BAZ1A: variants seen among roughly 807,000 people sequenced by gnomAD.
BAZ1A encodes bromodomain adjacent to zinc finger domain 1A.
In BAZ1A, 50 loss-of-function variants were observed where a neutral mutation model predicts 185.2. The observed-to-expected ratio is 0.27, with a 90% confidence interval of 0.22 to 0.34. The LOEUF (loss-of-function observed/expected upper bound fraction) is 0.34, where lower values mean the gene tolerates loss of function less well. BAZ1A is among the 10% of genes least tolerant of loss of function. The pLI is 1.00. For synonymous variants in BAZ1A, 571 were observed against 615.6 expected, an observed-to-expected ratio of 0.93 and a Z score of 1.07; for missense variants, 1,356 against 1,839.9, an observed-to-expected ratio of 0.74 and a Z score of 4.81.
intron 21 of BAZ1A, among the ~76,000 whole-genome samples, chr14:34,770,599 C>CA (rs1226521484): frequency 3.3e-5 from 5 of 151,644 alleles, no homozygotes; most frequent in Non-Finnish European, 5.9e-5. Context: ...TTAAACATCT[C>CA]AAAAAAACAA....
intron 4 of BAZ1A, among the ~76,000 whole-genome samples, chr14:34,815,067 G>A (rs973834679): frequency 2.6e-5 from 4 of 152,118 alleles, no homozygotes; most frequent in Non-Finnish European, 5.9e-5. Context: ...GAGCCACTGC[G>A]CCTGGCCACA....
chr14:34,780,626 G>C (rs1374067664), intron 16 of BAZ1A, among the ~76,000 whole-genome samples: 1 of 152,146 alleles, frequency 6.6e-6, no homozygotes, highest in African/African-American at 2.4e-5. Context: ...GGGGAGGAGT[G>C]TGTGCTACAG....
intron 2 of BAZ1A, among the ~76,000 whole-genome samples, chr14:34,869,694 A>G (rs192269133): frequency 6.6e-6 from 1 of 152,334 alleles, no homozygotes; most frequent in East Asian, 1.9e-4. Flanking sequence ...TGCTTGTGGT[A>G]GACTGTTTGC....
At chr14:34,825,447 C>CAAAAAAAAAAAAAAAAAAAA (rs35449855) in intron 4 of BAZ1A, among the ~76,000 whole-genome samples, 1 of 55,406 alleles carries the variant, frequency 1.8e-5, no homozygotes, top group Non-Finnish European at 3.4e-5. Context: ...AACTCTGTCT[C>CAAAAAAAAAAAAAAAAAAAA]AAAAAAAAAA....
chr14:34,853,684 G>A (rs1189553948), intron 3 of BAZ1A, among the ~76,000 whole-genome samples: 1 of 152,206 alleles, frequency 6.6e-6, no homozygotes, highest in Non-Finnish European at 1.5e-5. Flanking sequence ...CTACTCGGGA[G>A]GCTATGGCAG....
rs751638983 is a variant in BAZ1A, at chr14:34,800,189, T to G, written c.1128+35A>C. On this transcript the variant is annotated intron_variant, in intron 9 of 26. Coordinates refer to ENST00000360310, the MANE Select transcript of BAZ1A (RefSeq NM_013448.3). ...AGATATGTAAAGTAGTATTACTATA[T>G]GTAGAGAGTATAGCTAATATACTCA... is the stretch of plus-strand genomic sequence containing the variant. 20 of 1,318,836 alleles carry G rather than the reference T, an allele frequency of 1.5e-5. No homozygotes were observed. In the East Asian group the frequency reaches 4.9e-4, roughly 32 times the overall value. The allele number at this position is 1,318,836 out of a possible 1,614,324, so 81.7% of individuals were successfully genotyped here. A position where few individuals can be genotyped will look rare whatever the true frequency, so the allele number is the denominator to read the frequency against.
At chr14:34,768,761 CTTAT>C (rs1879018571) in intron 21 of BAZ1A, 1 of 420,668 alleles carries the variant, frequency 2.4e-6, no homozygotes, top group African/African-American at 2.1e-5. Flanking sequence ...CCTTTTGATC[CTTAT>C]TAATTTCTGT....
intron 12 of BAZ1A, among the ~76,000 whole-genome samples, chr14:34,791,896 G>T (rs184698985): frequency 6.6e-6 from 1 of 152,084 alleles, no homozygotes; most frequent in Non-Finnish European, 1.5e-5. Flanking sequence ...ATATGAAAAG[G>T]TTTGCCTCAA....
rs767712216 is a variant in BAZ1A at position 34,862,239 on chromosome 14, T to C, written c.197A>G (p.Glu66Gly). 1.2e-6 allele frequency: 2 copies of C among 1,614,160 alleles called. No individual in the cohort carries two copies. The highest frequency in any genetic ancestry group is 1.7e-6 in the Non-Finnish European group (2 of 1,180,038). Residue 66 changes from glutamate to glycine, a missense_variant, in exon 3 of 27, where the codon GAA (glutamate) becomes GGA (glycine). Transcript: ENST00000360310. Reference sequence around the variant, plus strand: ...TGCTTTTTTTTCTGACTCAAGTGCTTCCTGATACGTCAGTCCAGGTCTACC... The same window carrying C: ...TGCTTTTTTTTCTGACTCAAGTGCTCCCTGATACGTCAGTCCAGGTCTACC... ...VTGRPGLTYQ[E>G]ALESEKKARQ...
Position 34,826,153 on chromosome 14 carries a change from C to A in BAZ1A, c.396G>T (p.Leu132Phe). ...GGAGGACTTCCAAAATCCTACACTG[C>A]AACCTGAAATAAAATGATACATTTA... ...VEVIRNNGAR[L>F]QCRILEVLPP... Residue 132 changes from leucine (L) to phenylalanine (F), a missense_variant, in exon 4 of 27, where the codon TTG becomes TTT. By Grantham distance (22) the Leu-to-Phe change is conservative. Around this residue, in one of 7 missense-constraint regions of BAZ1A, gnomAD observed 332 missense variants for 395.3 expected, o/e 0.84. Transcript: ENST00000360310. 1 of 1,607,306 alleles carries A rather than the reference C, an allele frequency of 6.2e-7. No individual in the cohort carries two copies. The highest frequency in any genetic ancestry group is 8.5e-7 in the Non-Finnish European group (1 of 1,178,224).
chr14:34,824,063 A>G (rs2042125909), intron 4 of BAZ1A, among the ~76,000 whole-genome samples: 1 of 151,784 alleles, frequency 6.6e-6, no homozygotes, highest in South Asian at 2.1e-4. Context: ...ACAGTAATTT[A>G]TTTTTCTGGT....
intron 24 of BAZ1A, among the ~76,000 whole-genome samples, chr14:34,759,463 T>G (rs1886431770): frequency 1.3e-5 from 2 of 152,108 alleles, no homozygotes; most frequent in South Asian, 2.1e-4. Context: ...CCTCCCAAAA[T>G]GCTGGGATTA....
At chr14:34,812,261 A>G (rs1161108189) in intron 4 of BAZ1A, among the ~76,000 whole-genome samples, 2 of 152,300 alleles carry the variant, frequency 1.3e-5, no homozygotes, top group Admixed American at 6.5e-5. Context: ...GGAGCAACTC[A>G]TGAAAAACCT....
At chr14:34,864,602 T>G (rs8011831) in intron 2 of BAZ1A, among the ~76,000 whole-genome samples, 1,702 of 151,602 alleles carry the variant, frequency 0.011, 35 homozygotes, top group African/African-American at 0.036. Flanking sequence ...TGCCTCAGCC[T>G]CCTGAGTAGC....
rs1019623753 is a variant in BAZ1A, at chr14:34,798,685, T to C, written c.1128+1539A>G. Among the ~76,000 whole-genome samples, 7 of 152,334 alleles carry C rather than the reference T, an allele frequency of 4.6e-5. No individual in the cohort carries two copies. In the East Asian group the frequency reaches 1.2e-3, roughly 25 times the overall value. On this transcript the variant is annotated intron_variant, in intron 9 of 26. Transcript: ENST00000360310. Reference sequence around the variant, plus strand: ...AATGCAAATCAAAACCATAATGAGATACCATCTCACAGCAGTTAGAATGGC... The same window carrying C: ...AATGCAAATCAAAACCATAATGAGACACCATCTCACAGCAGTTAGAATGGC...
At chr14:34,757,766 T>C (rs1886325251) in intron 25 of BAZ1A, among the ~76,000 whole-genome samples, 1 of 147,298 alleles carries the variant, frequency 6.8e-6, no homozygotes, top group African/African-American at 2.5e-5. Context: ...TGAGATGGAG[T>C]TTCACTCTTG....
intron 3 of BAZ1A, among the ~76,000 whole-genome samples, chr14:34,832,159 T>A (rs752540938): frequency 1.4e-5 from 2 of 144,370 alleles, no homozygotes. Flanking sequence ...TATGTATGTA[T>A]GTGTATGTGT....
At position 34,776,013 on chromosome 14, in the gene BAZ1A, A is replaced by G. The variant is rs1194367230; in HGVS notation, c.2739T>C (p.His913=). Residue 913 remains histidine, a synonymous_variant, in exon 18 of 27, where the codon CAT becomes CAC. Transcript: ENST00000360310. The part of the protein sequence containing the change: ...QLIEALNSRG[H]RESALKETLL... ...AAGTTTCTTTTAAGGCACTTTCTCT[A>G]TGTCCTCTAGAATTAAGAGCTTCAA... The G allele has an allele frequency of 6.2e-7, 1 of 1,614,132 alleles. No homozygotes were observed. The highest frequency in any genetic ancestry group is 8.5e-7 in the Non-Finnish European group (1 of 1,179,988).
rs1387075174 is a variant in BAZ1A, at chr14:34,761,762, G to C, written c.4238C>G (p.Ser1413Cys). 1.2e-6 allele frequency: 2 copies of C among 1,609,000 alleles called. No individual in the cohort carries two copies. Among genetic ancestry groups the C allele is most frequent in the African/African-American group, 1.3e-5 (1 of 74,708 alleles). The change falls in exon 24 of 27, where the codon TCT becomes TGT. Residue 1413 changes from serine (S) to cysteine (C), a missense_variant. Coordinates refer to ENST00000360310, the MANE Select transcript of BAZ1A (RefSeq NM_013448.3). ...GAGTTTAGATTTCTTCATACCTGGAGATTGTCTTTTTCTGCATCTTCTTTT... is the reference window on the plus strand; with the variant it reads ...GAGTTTAGATTTCTTCATACCTGGACATTGTCTTTTTCTGCATCTTCTTTT... Reference protein sequence around the residue: ...ESKRRCRKRQSPEPSPVTLGR... With the variant: ...ESKRRCRKRQCPEPSPVTLGR...
Sources: allele counts gnomAD v4.1 joint callset (sites outside exome capture counted in the v4.1 genomes callset), GRCh38; gene constraint gnomAD v4.1.1; regional missense constraint gnomAD v4.1.1; transcripts MANE v1.5; gene names NCBI Gene and HGNC (gene_info 2026-07-23, HGNC 2026-07-21).